The following C5 variants were observed in gnomAD, a reference collection of about 807,000 sequenced individuals.
C5 encodes C3 and PZP-like alpha-2-macroglobulin domain-containing protein 4.
In C5, 140 loss-of-function variants were observed where a neutral mutation model predicts 218.8. That is an observed-to-expected ratio of 0.64 (90% confidence interval 0.56 to 0.74). The LOEUF (loss-of-function observed/expected upper bound fraction) is 0.74, where lower values mean the gene tolerates loss of function less well. C5 is among the 30% of genes least tolerant of loss of function. The probability of loss-of-function intolerance (pLI) is 0.00; values close to 1 mark genes in which losing one functional copy is unlikely to be tolerated. For synonymous variants in C5, 614 were observed against 682.3 expected (o/e 0.90, Z 1.56); for missense variants, 1,700 against 1,969.6 (o/e 0.86, Z 2.59).
intron 39 of C5, among the ~76,000 whole-genome samples, chr9:120,956,566 T>G (rs750823550): frequency 2.0e-5 from 3 of 152,198 alleles, no homozygotes; most frequent in Non-Finnish European, 4.4e-5. Flanking sequence ...ATTTTAATAT[T>G]CATATGGAAC....
intron 16 of C5, 21 bp downstream of exon 16, chr9:121,015,178 A>G: frequency 4.6e-6 from 7 of 1,519,932 alleles, no homozygotes; most frequent in African/African-American, 1.4e-5. Flanking sequence ...CCTTTTTACA[A>G]TCACATGAAT....
upstream of C5, among the ~76,000 whole-genome samples, chr9:121,053,143 T>C (rs1275970752): frequency 6.6e-6 from 1 of 152,080 alleles, no homozygotes; most frequent in Non-Finnish European, 1.5e-5. Context: ...CAGAGGCCAG[T>C]GGAGAAACAG....
chr9:120,976,773 A>T lies in C5; in HGVS notation c.3791T>A (p.Ile1264Lys). 1.2e-6 allele frequency: 2 copies of T among 1,614,168 alleles called. No homozygotes were observed. Among genetic ancestry groups the T allele is most frequent in the Non-Finnish European group, 1.7e-6 (2 of 1,180,012 alleles). ...ALLTSLNLKD[I>K]NYVNPVIKWL... ...TTTGATGACTGGGTTAACATAATTT[A>T]TATCTTTCAAGTTCAGACTGGTGAG... Residue 1264 changes from isoleucine to lysine, a missense_variant, in exon 29 of 41, where the codon ATA becomes AAA. Coordinates refer to ENST00000223642, the MANE Select transcript of C5 (RefSeq NM_001735.3).
intron 7 of C5, among the ~76,000 whole-genome samples, chr9:121,028,994 A>C (rs2047450323): frequency 6.6e-6 from 1 of 152,200 alleles, no homozygotes; most frequent in Non-Finnish European, 1.5e-5. Flanking sequence ...CTTCCTTGAT[A>C]ATTTTGATAT....
At chr9:121,010,771 T>C (rs541565999) in intron 17 of C5, among the ~76,000 whole-genome samples, 1 of 152,266 alleles carries the variant, frequency 6.6e-6, no homozygotes, top group East Asian at 1.9e-4. Context: ...GGTAGTGGCA[T>C]AAAAGCAGAC....
rs1457633019 is a variant in C5, at chr9:121,017,743, C to T, written c.1616G>A (p.Arg539Gln). 6.8e-6 allele frequency: 11 copies of T among 1,611,676 alleles called. No homozygotes were observed. The highest frequency in any genetic ancestry group is 2.7e-5 in the African/African-American group (2 of 74,840). ...TGTGACGATGTAATAGACCAGAAGT[C>T]GGGATGAAGGAACCATGTTCTGTGT... Reference protein sequence around the residue: ...PVTQNMVPSSRLLVYYIVTGE... With the variant: ...PVTQNMVPSSQLLVYYIVTGE... The change falls in exon 13 of 41, where the codon CGA (arginine) becomes CAA (glutamine). Residue 539 changes from arginine (R) to glutamine (Q), a missense_variant. By Grantham distance (43) the Arg-to-Gln change is conservative. Coordinates refer to ENST00000223642, the MANE Select transcript of C5 (RefSeq NM_001735.3).
chr9:120,984,904 T>C (rs2047021975), intron 25 of C5, among the ~76,000 whole-genome samples: 1 of 151,884 alleles, frequency 6.6e-6, no homozygotes, highest in Admixed American at 6.6e-5. Flanking sequence ...GTATTTTTAG[T>C]AGAGACAGGG....
intron 20 of C5, among the ~76,000 whole-genome samples, chr9:121,002,240 A>G (rs1171757667): frequency 3.8e-5 from 2 of 52,864 alleles, no homozygotes; most frequent in South Asian, 1.7e-3. Flanking sequence ...GTATATATGT[A>G]TATGTATATA....
At chr9:121,021,913 T>G (rs2047369486) in intron 10 of C5, among the ~76,000 whole-genome samples, 1 of 151,802 alleles carries the variant, frequency 6.6e-6, no homozygotes, top group Non-Finnish European at 1.5e-5. Flanking sequence ...CTTGAACTAT[T>G]GGCCTCAAGC....
intron 3 of C5, among the ~76,000 whole-genome samples, chr9:121,040,514 A>T (rs1478044285): frequency 1.3e-5 from 2 of 152,238 alleles, no homozygotes; most frequent in Admixed American, 1.3e-4. Context: ...GGGACATTAT[A>T]GCTATAAATA....
Position 120,991,275 on chromosome 9 carries a change from TG to T in C5, c.2856del (p.Ile953LeufsTer13). The T allele has an allele frequency of 6.3e-7, 1 of 1,595,754 alleles. No homozygotes were observed. The highest frequency in any genetic ancestry group is 8.6e-7 in the Non-Finnish European group (1 of 1,163,350). Reference sequence around the variant, plus strand: ...TATGGGAACTCCTTTCGTCTGCTAATGGTACCTGTAATTTAGAAAATTTGGA... The same window carrying T: ...TATGGGAACTCCTTTCGTCTGCTAATGTACCTGTAATTTAGAAAATTTGGA... ...VTLDPRGIYG[T>X]ISRRKEFPYR... On this transcript the variant is annotated frameshift_variant, in exon 23 of 41. Coordinates refer to ENST00000223642, the MANE Select transcript of C5 (RefSeq NM_001735.3). LOFTEE classifies it high-confidence loss of function.
At chr9:120,989,879 C>T (rs2047063894) in intron 23 of C5, 99 bp from the exon 24 acceptor site, 1 of 929,840 alleles carries the variant, frequency 1.1e-6, no homozygotes. Context: ...TGGTTCTTCC[C>T]TTTTTATCTA....
chr9:120,969,227 C>A, intron 32 of C5, 109 bp from the exon 33 acceptor site: 1 of 874,524 alleles, frequency 1.1e-6, no homozygotes, highest in African/African-American at 1.7e-5. Flanking sequence ...TTTGAACACA[C>A]TTAAAAATGA....
intron 29 of C5, among the ~76,000 whole-genome samples, chr9:120,975,837 T>C (rs7868761): frequency 0.17 from 25,433 of 152,174 alleles, 2,987 homozygotes; most frequent in African/African-American, 0.33. Context: ...CAATGTCCAT[T>C]GCATTTAGCA....
chr9:121,070,276 G>C, the C5 span, among the ~76,000 whole-genome samples: 6 of 151,400 alleles, frequency 4.0e-5, no homozygotes, highest in African/African-American at 1.5e-4. Context: ...AGAATCGCTT[G>C]AACCTAGGAG....
chr9:121,040,411 A>G (rs1587997725), intron 3 of C5, among the ~76,000 whole-genome samples: 3 of 152,226 alleles, frequency 2.0e-5, no homozygotes, highest in Admixed American at 1.3e-4. Context: ...GCAATATTCT[A>G]AAGTCATTTA....
chr9:121,001,368 T>G (rs116710468), intron 20 of C5, among the ~76,000 whole-genome samples: 1 of 152,086 alleles, frequency 6.6e-6, no homozygotes, highest in African/African-American at 2.4e-5. Flanking sequence ...ATAGAATACA[T>G]GAAAGAAGAA....
rs767733678 is a variant in C5 at position 120,961,482 on chromosome 9, C to T, written c.4588G>A (p.Ala1530Thr). 1.2e-6 allele frequency: 2 copies of T among 1,600,166 alleles called. No individual in the cohort carries two copies. The highest frequency in any genetic ancestry group is 2.7e-5 in the African/African-American group (2 of 74,616). Reference protein sequence around the residue: ...CEGAACKCVEADCGQMQEELD... With the variant: ...CEGAACKCVETDCGQMQEELD... Reference sequence around the variant, plus strand: ...CCTAAATATGTTAAATAAAGTTTACCTTCTACACACTTGCACGCGGCTCCT... The same window carrying T: ...CCTAAATATGTTAAATAAAGTTTACTTTCTACACACTTGCACGCGGCTCCT... Residue 1530 changes from alanine to threonine, a missense_variant and splice_region_variant, in exon 37 of 41, where the codon GCT becomes ACT. Transcript: ENST00000223642.
intron 14 of C5, among the ~76,000 whole-genome samples, 168 bp from the exon 15 acceptor site, chr9:121,016,551 C>T (rs143449559): frequency 1.3e-5 from 2 of 152,162 alleles, no homozygotes; most frequent in Non-Finnish European, 2.9e-5. Flanking sequence ...TAAGTTTGTC[C>T]TTTTGTATTT....
Sources: gnomAD v4.1 joint callset for allele counts (sites outside exome capture counted in the v4.1 genomes callset) on GRCh38, gnomAD v4.1.1 for gene constraint, MANE v1.5 for transcripts, NCBI Gene and HGNC (gene_info 2026-07-23, HGNC 2026-07-21) for gene names.